LAMB3: variants seen among roughly 807,000 people sequenced by gnomAD.
The protein encoded by LAMB3 is laminin subunit beta 3.
Under a neutral mutation model 140.3 loss-of-function variants are expected in LAMB3, and 104 were observed. That is an observed-to-expected ratio of 0.74 (90% CI 0.63 to 0.87). LAMB3 has a LOEUF of 0.87. Among genes scored for constraint, LAMB3 ranks in the 40% least tolerant of loss-of-function variants. LAMB3 has a pLI of 0.00. For synonymous variants in LAMB3, 592 were observed against 602.9 expected, an observed-to-expected ratio of 0.98 and a Z score of 0.26; for missense variants, 1,531 against 1,575.2, an observed-to-expected ratio of 0.97 and a Z score of 0.47.
intron 6 of LAMB3, among the ~76,000 whole-genome samples, chr1:209,633,678 T>C (rs551975870): frequency 6.6e-6 from 1 of 152,292 alleles, no homozygotes. Context: ...TAACATAGAT[T>C]TGCGTAAGGG....
At chr1:209,635,770 A>G (rs1172849057) in intron 5 of LAMB3, among the ~76,000 whole-genome samples, 4 of 152,190 alleles carry the variant, frequency 2.6e-5, no homozygotes, top group African/African-American at 9.7e-5. Flanking sequence ...TAATGATTTT[A>G]AAACATAAAA....
intron 3 of LAMB3, among the ~76,000 whole-genome samples, chr1:209,644,397 T>C (rs2076497492): frequency 1.3e-5 from 2 of 152,186 alleles, no homozygotes; most frequent in Admixed American, 1.3e-4. Context: ...GCCTCAGTCC[T>C]CAGCAGTGTA....
At chr1:209,638,418 A>G (rs1041734456) in intron 4 of LAMB3, 116 bp downstream of exon 4, 17 of 745,148 alleles carry the variant, frequency 2.3e-5, no homozygotes, top group Admixed American at 2.1e-4. Flanking sequence ...TCAATCACCC[A>G]TGTCACACCA....
intron 3 of LAMB3, among the ~76,000 whole-genome samples, chr1:209,641,954 C>T (rs1571833274): frequency 1.3e-5 from 2 of 152,156 alleles, no homozygotes; most frequent in Admixed American, 1.3e-4. Context: ...AGCTGCCTTC[C>T]GGCCGCCTGT....
chr1:209,630,065 G>A, intron 9 of LAMB3, 140 bp from the exon 10 acceptor site: 2 of 797,066 alleles, frequency 2.5e-6, no homozygotes. Context: ...GAGGGCAAGG[G>A]AGGTTTGTAT....
chr1:209,626,796 G>A (rs1010361415), intron 13 of LAMB3, 71 bp downstream of exon 13: 10 of 1,086,778 alleles, frequency 9.2e-6, no homozygotes, highest in Admixed American at 8.9e-5. Flanking sequence ...AGACCTACAC[G>A]CCCCCACCAT....
Position 209,616,618 on chromosome 1 carries a change from C to G in LAMB3, c.3235G>C (p.Glu1079Gln). ...TCAGCATACTTTTGTTTTATTCTCT[C>G]AAATCCCTGAAAAAGGTAGAATAGT... ...EQALSAQEGF[E>Q]RIKQKYAELK... is the part of the protein sequence containing the mutation. Residue 1079 changes from glutamate to glutamine, a missense_variant, in exon 22 of 23, where the codon GAG becomes CAG. Transcript: ENST00000356082. 6.2e-7 allele frequency: 1 copy of G among 1,614,174 alleles called. No homozygotes were observed. The highest frequency in any genetic ancestry group is 8.5e-7 in the Non-Finnish European group (1 of 1,180,008).
intron 3 of LAMB3, among the ~76,000 whole-genome samples, chr1:209,639,260 T>C (rs1477748442): frequency 6.6e-6 from 1 of 152,198 alleles, no homozygotes; most frequent in Non-Finnish European, 1.5e-5. Context: ...ATTTAGCATA[T>C]ACTATGTGCC....
chr1:209,617,304 C>T (rs1266428554), intron 21 of LAMB3, 106 bp downstream of exon 21: 7 of 1,272,872 alleles, frequency 5.5e-6, no homozygotes, highest in Non-Finnish European at 7.9e-6. Context: ...TTCTGTTATT[C>T]TAAGCACTTT....
At chr1:209,637,240 A>G (rs966032366) in intron 5 of LAMB3, among the ~76,000 whole-genome samples, 10 of 152,180 alleles carry the variant, frequency 6.6e-5, no homozygotes, top group African/African-American at 2.2e-4. Flanking sequence ...TTTTATTCCA[A>G]GCTCATTTTA....
intron 5 of LAMB3, among the ~76,000 whole-genome samples, chr1:209,635,611 C>T (rs1176074430): frequency 6.6e-6 from 1 of 152,150 alleles, no homozygotes; most frequent in Non-Finnish European, 1.5e-5. Context: ...CCATGTTGGC[C>T]AGGCTGGTCT....
chr1:209,626,836 C>G (rs1666474631), intron 13 of LAMB3, 31 bp downstream of exon 13: 4 of 1,563,306 alleles, frequency 2.6e-6, no homozygotes, highest in African/African-American at 2.7e-5. Flanking sequence ...GCCCCCAGAG[C>G]CTCAGCGTCC....
In LAMB3 at chr1:209,627,522, C is replaced by T; in HGVS notation, c.1346G>A (p.Gly449Glu). 2 of 1,614,084 alleles carry T rather than the reference C, an allele frequency of 1.2e-6. No individual in the cohort carries two copies. The highest frequency in any genetic ancestry group is 2.7e-5 in the African/African-American group (2 of 75,034). Residue 449 changes from glycine (G) to glutamate (E), a missense_variant, in exon 12 of 23, where the codon GGG becomes GAG. Physicochemically the swap from Gly to Glu is moderately conservative, Grantham distance 98. Transcript: ENST00000356082. ...RRDMPCDEES[G>E]RCLCLPNVVG... ...CACGTTGGGCAGACAAAGGCAGCGC[C>T]CACTCTCCTCGTCACACGGCATGTC... is the stretch of plus-strand genomic sequence containing the variant.
rs1666061065 is a variant in LAMB3 at position 209,618,354 on chromosome 1, T to A, written c.2909+98A>T. ...CCACCATGGTAAGCACCCCCTCCTG[T>A]CTCCCAGCCCTCTGTACCCCTCTCC... On this transcript the variant is annotated intron_variant, in intron 19 of 22. Coordinates refer to ENST00000356082, the MANE Select transcript of LAMB3 (RefSeq NM_000228.3). 7 of 1,228,824 alleles carry A rather than the reference T, an allele frequency of 5.7e-6. No homozygotes were observed. In the Admixed American group the frequency reaches 7.7e-5, roughly 14 times the overall value. The allele number at this position is 1,228,824 out of a possible 1,614,324, so 76.1% of individuals were successfully genotyped here.
At chr1:209,617,657 C>T in intron 20 of LAMB3, 71 bp from the exon 21 acceptor site, 1 of 1,567,730 alleles carries the variant, frequency 6.4e-7, no homozygotes, top group Non-Finnish European at 8.7e-7. Flanking sequence ...CCCATTTTTT[C>T]TCCAACTCAT....
At position 209,625,866 on chromosome 1, in the gene LAMB3, C is replaced by T. The variant is rs780457747; in HGVS notation, c.1758G>A (p.Gln586=). The T allele has an allele frequency of 5.7e-5, 92 of 1,613,990 alleles. 2 individuals are homozygous for T. In the South Asian group the frequency reaches 9.9e-4, roughly 17 times the overall value. ...GCTCCCGGAGGTCCGCATCATAGGT[C>T]TGGAAGCAAGGGTGGCAGGCCACGC... ...PVCVACHPCF[Q]TYDADLREQA... is the part of the protein sequence containing the mutation. The change falls in exon 14 of 23, where the codon CAG becomes CAA. Residue 586 remains glutamine, a synonymous_variant. Coordinates refer to ENST00000356082, the MANE Select transcript of LAMB3 (RefSeq NM_000228.3).
chr1:209,618,333 C>T, intron 19 of LAMB3, 119 bp downstream of exon 19: 1 of 1,049,186 alleles, frequency 9.5e-7, no homozygotes. Flanking sequence ...CACTCTCCAC[C>T]ATGGTAAGCA....
At chr1:209,636,162 T>G (rs183417277) in intron 5 of LAMB3, among the ~76,000 whole-genome samples, 1 of 152,136 alleles carries the variant, frequency 6.6e-6, no homozygotes, top group African/African-American at 2.4e-5. Flanking sequence ...TATTTACTTG[T>G]TGGTTTCTTG....
rs376561409 is a variant in LAMB3, at chr1:209,629,765, C to T, written c.1104G>A (p.Pro368=). 2.4e-5 allele frequency: 39 copies of T among 1,614,024 alleles called. No homozygotes were observed. The highest frequency in any genetic ancestry group is 4.5e-5 in the East Asian group (2 of 44,876). Residue 368 remains proline, a synonymous_variant, in exon 10 of 23, where the codon CCG becomes CCA. Transcript: ENST00000356082. ...CQLHYFRNRR[P]GASIQETCIS... The stretch of plus-strand genomic sequence containing the variant: ...TGCAGGTCTCCTGAATGGAAGCTCC[C>T]GGGCGCCGGTTCCGGAAATAGTGCA...
Sources: allele counts gnomAD v4.1 joint callset (sites outside exome capture counted in the v4.1 genomes callset), GRCh38; gene constraint gnomAD v4.1.1; transcripts MANE v1.5; gene names NCBI Gene and HGNC (gene_info 2026-07-23, HGNC 2026-07-21).